Variants in PGBD5 observed in about 807,000 individuals in gnomAD.
PGBD5 encodes the protein piggyBac transposable element derived 5.
Under a neutral mutation model 47.9 loss-of-function variants are expected in PGBD5, and 14 were observed. That is an observed-to-expected ratio of 0.29 (90% CI 0.19 to 0.46). The LOEUF is 0.46. PGBD5 is among the 20% of genes least tolerant of loss of function. The pLI is 1.00. For missense variants in PGBD5, 635 were observed against 716.0 expected, an observed-to-expected ratio of 0.89 and a Z score of 1.29; for synonymous variants, 316 against 306.3, an observed-to-expected ratio of 1.03 and a Z score of -0.33.
At position 230,377,576 on chromosome 1, in the gene PGBD5, C is replaced by T. The variant is rs76207604; in HGVS notation, c.332-20255G>A. ...TGCAGCTCAGGTCCTGCAGAGTCCC[C>T]GAGAGTACTTTGCACGAAGAGAGCT... On this transcript the variant is annotated intron_variant, in intron 1 of 6. Coordinates refer to ENST00000391860, the MANE Select transcript of PGBD5 (RefSeq NM_001258311.2). 3.3e-4 allele frequency: 522 copies of T among 1,601,016 alleles called. 2 individuals carry two copies. The African/African-American group carries it at 6.0e-3, about 19-fold the overall frequency.
In PGBD5 at chr1:230,375,728, T is replaced by C. The variant is rs538333100; in HGVS notation, c.332-18407A>G. On this transcript the variant is annotated intron_variant, in intron 1 of 6. Coordinates refer to ENST00000391860, the MANE Select transcript of PGBD5 (RefSeq NM_001258311.2). ...AAAGAGGAAAATATCCAGGAGGTCA[T>C]TGGCAGACAGAAGAGAGCTTTTTTC... 1.0e-4 allele frequency among the ~76,000 whole-genome samples: 15 copies of C among 148,164 alleles called. 1 individual carries two copies. The highest frequency in any genetic ancestry group is 3.0e-4 in the African/African-American group (12 of 40,082).
intron 1 of PGBD5, among the ~76,000 whole-genome samples, chr1:230,418,526 G>T (rs1022582740): frequency 6.6e-6 from 1 of 152,104 alleles, no homozygotes; most frequent in Admixed American, 6.5e-5. Context: ...TCGAGATGGG[G>T]TCTCACTCTG....
intron 1 of PGBD5, among the ~76,000 whole-genome samples, chr1:230,417,469 T>C (rs1323441621): frequency 1.3e-5 from 2 of 152,218 alleles, no homozygotes; most frequent in African/African-American, 4.8e-5. Context: ...GGTGTTAAAT[T>C]TTAAGATATT....
intron 1 of PGBD5, among the ~76,000 whole-genome samples, chr1:230,363,066 C>T (rs763350814): frequency 6.6e-6 from 1 of 152,168 alleles, no homozygotes; most frequent in African/African-American, 2.4e-5. Flanking sequence ...GGACACACAA[C>T]CTCTCTGCAT....
At chr1:230,334,381 C>G (rs1667269373) in intron 4 of PGBD5, among the ~76,000 whole-genome samples, 1 of 139,720 alleles carries the variant, frequency 7.2e-6, no homozygotes, top group Admixed American at 7.0e-5. Context: ...ATCTGGGGCT[C>G]AATCTACACC....
At chr1:230,362,354 T>G (rs1667760104) in intron 1 of PGBD5, 2 of 1,366,886 alleles carry the variant, frequency 1.5e-6, no homozygotes, top group South Asian at 2.3e-5. Flanking sequence ...GTCGACTCCA[T>G]CCACAGCTGT....
At chr1:230,396,759 GC>G (rs1158862114) in intron 1 of PGBD5, among the ~76,000 whole-genome samples, 6 of 152,020 alleles carry the variant, frequency 3.9e-5, no homozygotes, top group Non-Finnish European at 8.8e-5. Flanking sequence ...ATCCCGGCAG[GC>G]CACTCTGCTC....
At chr1:230,418,956 G>GCCC (rs1657586355) in intron 1 of PGBD5, among the ~76,000 whole-genome samples, 1 of 152,224 alleles carries the variant, frequency 6.6e-6, no homozygotes, top group Non-Finnish European at 1.5e-5. Flanking sequence ...TCATTCCACT[G>GCCC]TTGGTGGGAA....
intron 2 of PGBD5, among the ~76,000 whole-genome samples, chr1:230,352,092 T>C (rs1667567992): frequency 8.6e-6 from 1 of 116,380 alleles, no homozygotes; most frequent in African/African-American, 4.0e-5. Flanking sequence ...CTCTACACGA[T>C]GCCCTAGATC....
chr1:230,353,622 GGT>G (rs1312377541), intron 2 of PGBD5, among the ~76,000 whole-genome samples: 1 of 152,080 alleles, frequency 6.6e-6, no homozygotes, highest in Non-Finnish European at 1.5e-5. Context: ...CCTGAAGGAT[GGT>G]GTAAGGGACG....
At chr1:230,392,689 T>TCC (rs1656818448) in intron 1 of PGBD5, among the ~76,000 whole-genome samples, 1 of 152,118 alleles carries the variant, frequency 6.6e-6, no homozygotes, top group South Asian at 2.1e-4. Flanking sequence ...CACCCGCTCC[T>TCC]CAGCAGCGGC....
intron 1 of PGBD5, among the ~76,000 whole-genome samples, chr1:230,360,724 T>TATAGATTATCCACCCTCAGGTATTTCTTC (rs1667729197): frequency 2.6e-5 from 4 of 152,180 alleles, no homozygotes; most frequent in Non-Finnish European, 5.9e-5. Context: ...CTCTTTTCTT[T>TATAGATTATCCACCCTCAGGTATTTCTTC]ATAGATTATC....
intron 1 of PGBD5, among the ~76,000 whole-genome samples, chr1:230,407,856 C>T (rs559583630): frequency 1.1e-4 from 17 of 152,252 alleles, no homozygotes; most frequent in African/African-American, 3.4e-4. Context: ...GAAATTTACT[C>T]CTAAAAATAT....
At chr1:230,328,079 T>C (rs1667151570) in intron 5 of PGBD5, among the ~76,000 whole-genome samples, 1 of 152,086 alleles carries the variant, frequency 6.6e-6, no homozygotes, top group Admixed American at 6.5e-5. Flanking sequence ...GTCATTAGTG[T>C]CTCCGGTGAG....
chr1:230,407,633 A>G (rs951693657), intron 1 of PGBD5, among the ~76,000 whole-genome samples: 5 of 152,154 alleles, frequency 3.3e-5, no homozygotes, highest in African/African-American at 1.2e-4. Flanking sequence ...TGTTCCTTAC[A>G]TGATATCTAT....
chr1:230,400,211 G>T (rs1313262417), intron 1 of PGBD5, among the ~76,000 whole-genome samples: 1 of 152,156 alleles, frequency 6.6e-6, no homozygotes, highest in Non-Finnish European at 1.5e-5. Context: ...CTGGATGGGA[G>T]GGATCTCCAC....
At chr1:230,402,543 T>A (rs184300054) in intron 1 of PGBD5, among the ~76,000 whole-genome samples, 1 of 152,238 alleles carries the variant, frequency 6.6e-6, no homozygotes, top group Non-Finnish European at 1.5e-5. Context: ...AGCCTCAAAC[T>A]CCTGGGCTCA....
intron 3 of PGBD5, among the ~76,000 whole-genome samples, chr1:230,348,166 A>G (rs1280320774): frequency 6.6e-6 from 1 of 152,232 alleles, no homozygotes; most frequent in Non-Finnish European, 1.5e-5. Context: ...AGGAACTACA[A>G]TGAAGAAAAT....
intron 1 of PGBD5, among the ~76,000 whole-genome samples, chr1:230,409,394 G>A (rs1288781640): frequency 1.3e-5 from 2 of 152,104 alleles, no homozygotes; most frequent in Admixed American, 6.6e-5. Context: ...ATGTCCACAC[G>A]AAAACCTGTA....
Sources: allele counts gnomAD v4.1 joint callset (sites outside exome capture counted in the v4.1 genomes callset), GRCh38; gene constraint gnomAD v4.1.1; transcripts MANE v1.5; gene names NCBI Gene and HGNC (gene_info 2026-07-23, HGNC 2026-07-21).